Variants in TXNDC11 observed in about 807,000 individuals in gnomAD.
TXNDC11 encodes the protein thioredoxin domain-containing protein 11.
TXNDC11 carries 68 observed loss-of-function variants against 78.0 expected under a neutral mutation model. That is an observed-to-expected ratio of 0.87 (90% CI 0.72 to 1.07). The LOEUF (loss-of-function observed/expected upper bound fraction) is 1.07, where lower values mean the gene tolerates loss of function less well. Ranked by LOEUF, TXNDC11 falls within the 50% of genes least tolerant of loss-of-function variation. The pLI, the probability that TXNDC11 is intolerant of heterozygous loss-of-function variation, is 0.00. For synonymous variants in TXNDC11, 571 were observed against 495.2 expected (o/e 1.15, Z -2.03); for missense variants, 1,389 against 1,221.8 (o/e 1.14, Z -2.04).
At position 11,691,954 on chromosome 16, in the gene TXNDC11, C is replaced by A. The variant is rs774580053; in HGVS notation, c.1236G>T (p.Leu412=). The A allele has an allele frequency of 1.3e-5, 21 of 1,610,536 alleles. No homozygotes were observed. Among genetic ancestry groups the A allele is most frequent in the African/African-American group, 2.7e-5 (2 of 74,914 alleles). Residue 412 remains leucine, a synonymous_variant, in exon 8 of 12, where the codon CTG becomes CTT. Coordinates refer to ENST00000283033, the MANE Select transcript of TXNDC11 (RefSeq NM_015914.7). ...ESLALEVPAQ[L]PDPPTITASP... ...ACGCTGTGATCGTTGGCGGGTCTGG[C>A]AGCTGTGCCGGCACTTCCAGGGCCA...
chr16:11,727,315 C>T (rs1291854828), intron 4 of TXNDC11, among the ~76,000 whole-genome samples: 1 of 150,728 alleles, frequency 6.6e-6, no homozygotes, highest in Non-Finnish European at 1.5e-5. Flanking sequence ...ATCTAACAGA[C>T]ACTAAGTCAA....
intron 1 of TXNDC11, among the ~76,000 whole-genome samples, chr16:11,740,736 C>T (rs1202372038): frequency 6.6e-6 from 1 of 152,230 alleles, no homozygotes; most frequent in Non-Finnish European, 1.5e-5. Flanking sequence ...CCCCTTATCA[C>T]GTAGGTGTGA....
Position 11,733,981 on chromosome 16 carries a change from C to T in TXNDC11, c.569+1G>A. 6.2e-7 allele frequency: 1 copy of T among 1,600,524 alleles called. No individual in the cohort carries two copies. Among genetic ancestry groups the T allele is most frequent in the Non-Finnish European group, 8.5e-7 (1 of 1,172,264 alleles). On this transcript the variant is annotated splice_donor_variant, in intron 3 of 11. Transcript: ENST00000283033. LOFTEE classifies it high-confidence loss of function. The stretch of plus-strand genomic sequence containing the variant: ...AGAGACGCTATTTAAAAAGTTCTTA[C>T]CTCCGATGATACAGATATATTACAG...
intron 3 of TXNDC11, among the ~76,000 whole-genome samples, chr16:11,733,176 G>T (rs2052105132): frequency 1.3e-5 from 2 of 152,192 alleles, no homozygotes; most frequent in South Asian, 4.2e-4. Flanking sequence ...AGAACGGCTT[G>T]AACCCTGAGG....
In TXNDC11 at chr16:11,691,942, T is replaced by C. The variant is rs542964309; in HGVS notation, c.1248A>G (p.Pro416=). Residue 416 remains proline, a synonymous_variant, in exon 8 of 12, where the codon CCA becomes CCG. Transcript: ENST00000283033. ...TGCAGCAGGGGGACGCTGTGATCGT[T>C]GGCGGGTCTGGCAGCTGTGCCGGCA... The part of the protein sequence containing the change: ...LEVPAQLPDP[P]TITASPCCNT... The C allele has an allele frequency of 1.2e-5, 19 of 1,611,874 alleles. No homozygotes were observed. The South Asian group carries it at 1.9e-4, about 16-fold the overall frequency.
At chr16:11,706,726 G>C (rs2051191681) in intron 5 of TXNDC11, among the ~76,000 whole-genome samples, 1 of 152,130 alleles carries the variant, frequency 6.6e-6, no homozygotes, top group South Asian at 2.1e-4. Flanking sequence ...CCTCATGACA[G>C]CTACCAAGGG....
In TXNDC11 at chr16:11,742,845, C is replaced by T. The variant is rs2052453275; in HGVS notation, c.-115G>A. 2 of 1,329,766 alleles carry T rather than the reference C, an allele frequency of 1.5e-6. No individual in the cohort carries two copies. The highest frequency in any genetic ancestry group is 3.1e-5 in the East Asian group (1 of 32,658). The allele number at this position is 1,329,766 out of a possible 1,614,324, so 82.4% of individuals were successfully genotyped here. On this transcript the variant is annotated 5_prime_UTR_variant, in exon 1 of 12. Coordinates refer to ENST00000283033, the MANE Select transcript of TXNDC11 (RefSeq NM_015914.7). ...CGCCGCACCCGCTAACCCGGACGCT[C>T]CACGTCAGCCGCGCCGCCGCCGCGG...
chr16:11,740,146 T>TAA (rs57384979), intron 1 of TXNDC11, among the ~76,000 whole-genome samples: 2 of 111,804 alleles, frequency 1.8e-5, no homozygotes, highest in East Asian at 2.8e-4. Flanking sequence ...TGAGCCAAGA[T>TAA]AAAAAAAAAA....
chr16:11,691,593 C>A lies in TXNDC11; in HGVS notation c.1597G>T (p.Ala533Ser). The change falls in exon 8 of 12, where the codon GCA becomes TCA. Residue 533 changes from alanine to serine, a missense_variant. Transcript: ENST00000283033. ...CATTTCTTCTCAAGGGAAGAAAATG[C>A]AACAGTAGGGGCTTCAAAGACACCT... ...EQGVFEAPTV[A>S]FSSLEKKCEV... 1 of 1,614,154 alleles carries A rather than the reference C, an allele frequency of 6.2e-7. No individual in the cohort carries two copies. Among genetic ancestry groups the A allele is most frequent in the Non-Finnish European group, 8.5e-7 (1 of 1,180,016 alleles).
In TXNDC11 at chr16:11,688,648, T is replaced by C. The variant is rs1238325636; in HGVS notation, c.1901-203A>G. The C allele has an allele frequency of 8.4e-6, 4 of 476,740 alleles. No individual in the cohort carries two copies. The Admixed American group carries it at 1.4e-4, about 17-fold the overall frequency. 29.5% of individuals were successfully genotyped at this position (476,740 alleles called of 1,614,324 possible). A position where few individuals can be genotyped will look rare whatever the true frequency, so the allele number is the denominator to read the frequency against. On this transcript the variant is annotated intron_variant, in intron 8 of 11. Coordinates refer to ENST00000283033, the MANE Select transcript of TXNDC11 (RefSeq NM_015914.7). The stretch of plus-strand genomic sequence containing the variant: ...GTAGTATTAACTCAGCAGACAGTAA[T>C]GTGGATAACAAAACACTATGCAATG...
chr16:11,742,632 G>A lies in TXNDC11; in HGVS notation c.99C>T (p.Leu33=). The change falls in exon 1 of 12, where the codon CTC becomes CTT. Residue 33 remains leucine (L), a synonymous_variant. Coordinates refer to ENST00000283033, the MANE Select transcript of TXNDC11 (RefSeq NM_015914.7). The part of the protein sequence containing the change: ...GGGGPAGSDC[L]SSSPTLATAS... ...CTGTGGCCAGGGTCGGGCTCGAGCTGAGGCAGTCTGAGCCCGCGGGGCCGC... is the reference window on the plus strand; with the variant it reads ...CTGTGGCCAGGGTCGGGCTCGAGCTAAGGCAGTCTGAGCCCGCGGGGCCGC... 1 of 1,461,792 alleles carries A rather than the reference G, an allele frequency of 6.8e-7. No individual in the cohort carries two copies. The highest frequency in any genetic ancestry group is 1.5e-5 in the African/African-American group (1 of 68,000). The allele number at this position is 1,461,792 out of a possible 1,614,324, so 90.6% of individuals were successfully genotyped here.
Position 11,679,096 on chromosome 16 carries a change from T to C in TXNDC11, c.*99A>G, listed in dbSNP as rs1013446119. 8.5e-6 allele frequency: 11 copies of C among 1,293,298 alleles called. No individual in the cohort carries two copies. The highest frequency in any genetic ancestry group is 4.5e-5 in the African/African-American group (3 of 66,536). The allele number at this position is 1,293,298 out of a possible 1,614,324, so 80.1% of individuals were successfully genotyped here. A position where few individuals can be genotyped will look rare whatever the true frequency, so the allele number is the denominator to read the frequency against. On this transcript the variant is annotated 3_prime_UTR_variant, in exon 12 of 12. Coordinates refer to ENST00000283033, the MANE Select transcript of TXNDC11 (RefSeq NM_015914.7). The surrounding 1 kb of genome is among the most constrained non-coding windows in gnomAD (Gnocchi z 4.6). ...CATTCAAGCTGATTTTCTAGACCAC[T>C]GAGAAAATCTTTATTTACAATAAAT...
intron 5 of TXNDC11, among the ~76,000 whole-genome samples, chr16:11,716,663 G>T (rs867799588): frequency 6.6e-6 from 1 of 152,174 alleles, no homozygotes; most frequent in Non-Finnish European, 1.5e-5. Flanking sequence ...CACCTAGAAA[G>T]GAAAGCTAAA....
intron 1 of TXNDC11, chr16:11,742,195 C>A (rs2052417722): frequency 2.5e-6 from 1 of 398,984 alleles, no homozygotes; most frequent in Non-Finnish European, 4.4e-6. Context: ...CCCCTAGTGA[C>A]TCCAACAGGT....
chr16:11,701,021 T>C, intron 5 of TXNDC11, among the ~76,000 whole-genome samples: 1 of 152,168 alleles, frequency 6.6e-6, no homozygotes, highest in East Asian at 1.9e-4. Context: ...ACTGGGCTCC[T>C]GACCCATTCA....
At position 11,742,662 on chromosome 16, in the gene TXNDC11, G is replaced by A. The variant is rs915594101; in HGVS notation, c.69C>T (p.Gly23=). ...AGTCTGAGCCCGCGGGGCCGCCGCCGCCCCCTCCCTCGTCCTCGGCGTCCT... is the reference window on the plus strand; with the variant it reads ...AGTCTGAGCCCGCGGGGCCGCCGCCACCCCCTCCCTCGTCCTCGGCGTCCT... The part of the protein sequence containing the change: ...SSEDAEDEGG[G]GGGPAGSDCL... Residue 23 remains glycine (G), a synonymous_variant, in exon 1 of 12, where the codon GGC becomes GGT. Transcript: ENST00000283033. 2 of 1,465,166 alleles carry A rather than the reference G, an allele frequency of 1.4e-6. No individual in the cohort carries two copies. Among genetic ancestry groups the A allele is most frequent in the South Asian group, 1.3e-5 (1 of 76,384 alleles). The allele number at this position is 1,465,166 out of a possible 1,614,324, so 90.8% of individuals were successfully genotyped here.
In TXNDC11 at chr16:11,736,029, C is replaced by G; in HGVS notation, c.459G>C (p.Arg153=). 1 of 1,613,884 alleles carries G rather than the reference C, an allele frequency of 6.2e-7. No homozygotes were observed. Among genetic ancestry groups the G allele is most frequent in the Non-Finnish European group, 8.5e-7 (1 of 1,180,008 alleles). ...ATGTGAGCATTACCTGATCTGAAAG[C>G]CGACTTGCTGCTTGCTCAATTTCTG... The part of the protein sequence containing the change: ...ARAEIEQAAS[R]LSDQVLFVAI... Residue 153 remains arginine, a synonymous_variant, in exon 2 of 12, where the codon CGG becomes CGC. Transcript: ENST00000283033.
At chr16:11,717,434 G>GAAAAAA (rs58884197) in intron 5 of TXNDC11, among the ~76,000 whole-genome samples, 61 of 62,170 alleles carry the variant, frequency 9.8e-4, no homozygotes, top group African/African-American at 1.3e-3. Context: ...GACTCCAAAT[G>GAAAAAA]AAAAAAAAAA....
In TXNDC11 at chr16:11,698,258, T is replaced by C. The variant is rs756452514; in HGVS notation, c.974A>G (p.Glu325Gly). 1.9e-6 allele frequency: 3 copies of C among 1,614,194 alleles called. No individual in the cohort carries two copies. Among genetic ancestry groups the C allele is most frequent in the African/African-American group, 1.3e-5 (1 of 75,054 alleles). Residue 325 changes from glutamate (E) to glycine (G), a missense_variant, in exon 7 of 12, where the codon GAG becomes GGG. Coordinates refer to ENST00000283033, the MANE Select transcript of TXNDC11 (RefSeq NM_015914.7). Reference sequence around the variant, plus strand: ...TGGCCGCAGCCACCGAAAGAGCGTCTCCTGGTTTTCTAAGGCCCACTTACA... The same window carrying C: ...TGGCCGCAGCCACCGAAAGAGCGTCCCCTGGTTTTCTAAGGCCCACTTACA... ...NICKWALENQETLFRWLRPHG... is the reference protein window; with the variant it reads ...NICKWALENQGTLFRWLRPHG...
Sources: gnomAD v4.1 joint callset for allele counts (sites outside exome capture counted in the v4.1 genomes callset) on GRCh38, gnomAD v4.1.1 for gene constraint, Gnocchi (gnomAD v3.1) non-coding constraint, MANE v1.5 for transcripts, NCBI Gene and HGNC (gene_info 2026-07-23, HGNC 2026-07-21) for gene names.